The following ZNF577 variants were observed in gnomAD, a reference collection of about 807,000 sequenced individuals.
ZNF577 encodes zinc finger protein 577.
ZNF577 carries 14 observed loss-of-function variants against 13.9 expected under a neutral mutation model. The ratio of observed to expected loss-of-function variants is 1.00; its 90% CI spans 0.66 to 1.57. The LOEUF (loss-of-function observed/expected upper bound fraction) is 1.57, where lower values mean the gene tolerates loss of function less well. Ranked by LOEUF, ZNF577 falls within the 40% of genes most tolerant of loss-of-function variation. The pLI, the probability that ZNF577 is intolerant of heterozygous loss-of-function variation, is 0.00. For missense variants in ZNF577, 555 were observed against 579.2 expected (o/e 0.96, Z 0.43); for synonymous variants, 203 against 202.9 (o/e 1.00, Z 0.00).
At chr19:51,852,913 T>C (rs944228121) in intron 5 of ZNF577, among the ~76,000 whole-genome samples, 4 of 151,314 alleles carry the variant, frequency 2.6e-5, no homozygotes, top group Non-Finnish European at 4.4e-5. Flanking sequence ...GAATGGCTCT[T>C]TAAAAGACAG....
At chr19:51,838,853 T>G (rs1176124759) in intron 9 of ZNF577, among the ~76,000 whole-genome samples, 5 of 151,958 alleles carry the variant, frequency 3.3e-5, no homozygotes, top group Non-Finnish European at 1.5e-5. Flanking sequence ...AAATAATTGT[T>G]GTAAGGAGAT....
At chr19:51,826,979 T>C (rs1451712490) in intron 9 of ZNF577, among the ~76,000 whole-genome samples, 1 of 152,036 alleles carries the variant, frequency 6.6e-6, no homozygotes, top group Non-Finnish European at 1.5e-5. Context: ...ACAATAGAGG[T>C]GTTACCTATA....
Position 51,873,101 on chromosome 19 carries a change from G to T in ZNF577, c.889C>A (p.Pro297Thr), listed in dbSNP as rs528156071. Residue 297 changes from proline to threonine, a missense_variant, in exon 6 of 6, where the codon CCT (proline) becomes ACT (threonine). By Grantham distance (38) the Pro-to-Thr change is conservative. Transcript: ENST00000638348. ...CTTCCACAATCACTGCATTTATAAG[G>T]CTTATCTCCTGTGTGAAGTCTCTGG... Reference protein sequence around the residue: ...AHQRLHTGDKPYKCSDCGRTF... With the variant: ...AHQRLHTGDKTYKCSDCGRTF... 1 of 1,614,168 alleles carries T rather than the reference G, an allele frequency of 6.2e-7. No homozygotes were observed. The highest frequency in any genetic ancestry group is 2.2e-5 in the East Asian group (1 of 44,886).
At position 51,809,257 on chromosome 19, in the gene ZNF577, G is replaced by A. The variant is rs144923890; in HGVS notation, c.*817+2200C>T. On this transcript the variant is annotated intron_variant and NMD_transcript_variant, in intron 10 of 10. Transcript: ENST00000638827. ...GACTGTCCATCTGGACCAAGACAAG[G>A]TAAAATCTCAGTGCTCTGTTGAACA... Among the ~76,000 whole-genome samples the A allele has an allele frequency of 6.2e-3, 944 of 152,310 alleles. 8 individuals are homozygous for A. Among genetic ancestry groups the A allele is most frequent in the African/African-American group, 0.02 (813 of 41,558 alleles).
At chr19:51,815,883 AAAGAAAAAGAAG>A (rs1244846773) in intron 9 of ZNF577, among the ~76,000 whole-genome samples, 2 of 144,170 alleles carry the variant, frequency 1.4e-5, no homozygotes, top group African/African-American at 2.9e-5. Flanking sequence ...AAAAAAGAAA[AAAGAAAAAGAAG>A]AAGAAAAAGA....
downstream of ZNF577, among the ~76,000 whole-genome samples, chr19:51,863,753 T>C (rs560145677): frequency 6.6e-6 from 1 of 152,280 alleles, no homozygotes; most frequent in Non-Finnish European, 1.5e-5. Context: ...ATAGGGACAC[T>C]AAGTATAATG....
At chr19:51,848,444 A>C (rs147232423) in intron 5 of ZNF577, among the ~76,000 whole-genome samples, 1 of 152,336 alleles carries the variant, frequency 6.6e-6, no homozygotes, top group Non-Finnish European at 1.5e-5. Flanking sequence ...TCCCACATTT[A>C]CTGAAGCATT....
chr19:51,858,591 GA>G (rs956908200), intron 5 of ZNF577, among the ~76,000 whole-genome samples: 2 of 151,958 alleles, frequency 1.3e-5, no homozygotes, highest in Admixed American at 1.3e-4. Context: ...AAAATCTAGA[GA>G]AAAAAATAAG....
rs1356694843 is a variant in ZNF577, at chr19:51,880,386, T to C, written c.-4A>G. The C allele has an allele frequency of 1.2e-6, 2 of 1,614,102 alleles. No individual in the cohort carries two copies. Among genetic ancestry groups the C allele is most frequent in the Non-Finnish European group, 1.7e-6 (2 of 1,180,018 alleles). On this transcript the variant is annotated 5_prime_UTR_variant, in exon 3 of 6. Transcript: ENST00000638348. ...TTACAATCGTGGCATTTTTCATGTG[T>C]TTCCTGTTATTTCAGCTGCCAAAAA...
chr19:51,854,527 T>G (rs2084399003), intron 5 of ZNF577, among the ~76,000 whole-genome samples: 1 of 139,386 alleles, frequency 7.2e-6, no homozygotes, highest in African/African-American at 3.0e-5. Context: ...AGAGATGGGG[T>G]CTCGCTATGT....
rs780356693 is a variant in ZNF577, at chr19:51,872,886, G to A, written c.1104C>T (p.Val368=). The A allele has an allele frequency of 3.1e-6, 5 of 1,614,078 alleles. No homozygotes were observed. Among genetic ancestry groups the A allele is most frequent in the Non-Finnish European group, 4.2e-6 (5 of 1,180,044 alleles). The change falls in exon 6 of 6, where the codon GTC becomes GTT. Residue 368 remains valine (V), a synonymous_variant. Transcript: ENST00000638348. ...ECGKAFAHMS[V]LIKHEKTHIR... is the part of the protein sequence containing the mutation. The stretch of plus-strand genomic sequence containing the variant: ...TGTGAGTTTTCTCATGTTTAATGAG[G>A]ACTGACATGTGGGCAAAGGCTTTGC...
At chr19:51,865,544 A>G (rs971891113), downstream of ZNF577, among the ~76,000 whole-genome samples, 1 of 152,258 alleles carries the variant, frequency 6.6e-6, no homozygotes, top group African/African-American at 2.4e-5. Context: ...ACCCCAGGAT[A>G]AAAGGCAGTG....
rs1568447416 is a variant in ZNF577, at chr19:51,873,170, C to A, written c.820G>T (p.Val274Leu). 6.2e-7 allele frequency: 1 copy of A among 1,614,168 alleles called. No homozygotes were observed. Among genetic ancestry groups the A allele is most frequent in the Non-Finnish European group, 8.5e-7 (1 of 1,180,026 alleles). Residue 274 changes from valine to leucine, a missense_variant, in exon 6 of 6, where the codon GTG becomes TTG. Coordinates refer to ENST00000638348, the MANE Select transcript of ZNF577 (RefSeq NM_001370449.1). ...TTCTGAGAAAAGGCTTTCCCACACA[C>A]ACTGCACCCATAGAGTTTCTCTCCA... ...HTGEKLYGCS[V>L]CGKAFSQKAY...
chr19:51,824,987 G>A lies in ZNF577; in HGVS notation c.*600-13313C>T. On this transcript the variant is annotated intron_variant and NMD_transcript_variant, in intron 9 of 10. Transcript: ENST00000638827. This position sits in a 1 kb window ranked among gnomAD's most constrained non-coding sequence, Gnocchi z 4.7. Reference sequence around the variant, plus strand: ...CACAACCAAGCAATAGACACCAGCTGGGTGTCCTACAATTAAATTCCAACA... The same window carrying A: ...CACAACCAAGCAATAGACACCAGCTAGGTGTCCTACAATTAAATTCCAACA... 1.7e-6 allele frequency: 1 copy of A among 599,138 alleles called. No homozygotes were observed. Among genetic ancestry groups the A allele is most frequent in the Non-Finnish European group, 3.0e-6 (1 of 332,286 alleles). 37.1% of individuals were successfully genotyped at this position (599,138 alleles called of 1,614,324 possible).
chr19:51,820,959 G>A (rs906277593), intron 9 of ZNF577, among the ~76,000 whole-genome samples: 4 of 152,218 alleles, frequency 2.6e-5, no homozygotes, highest in Non-Finnish European at 5.9e-5. Context: ...CTCTTGGCAT[G>A]TGAGTAATGT....
rs565029151 is a variant in ZNF577, at chr19:51,868,663, C to T, written c.*3869G>A. On this transcript the variant is annotated 3_prime_UTR_variant, in exon 6 of 6. Transcript: ENST00000638348. ...GCACCGGCTAAGGTTCTGACTACTA[C>T]CGTCTTCAACTGCCTTGAACACCCA... is the stretch of plus-strand genomic sequence containing the variant. Among the ~76,000 whole-genome samples the T allele has an allele frequency of 2.0e-5, 3 of 152,146 alleles. No homozygotes were observed. The South Asian group carries it at 6.2e-4, about 31-fold the overall frequency.
Position 51,873,465 on chromosome 19 carries a change from T to C in ZNF577, c.525A>G (p.Gln175=), listed in dbSNP as rs755899913. The part of the protein sequence containing the change: ...RAFSRKAQLI[Q]HQRTERGEKP... The stretch of plus-strand genomic sequence containing the variant: ...TCTCTCCTCTTTCAGTTCTCTGATG[T>C]TGAATAAGCTGTGCTTTCCTGGAGA... The change falls in exon 6 of 6, where the codon CAA becomes CAG. Residue 175 remains glutamine (Q), a synonymous_variant. Transcript: ENST00000638348. 2.5e-6 allele frequency: 4 copies of C among 1,614,092 alleles called. No individual in the cohort carries two copies. Among genetic ancestry groups the C allele is most frequent in the Admixed American group, 3.3e-5 (2 of 60,006 alleles).
chr19:51,857,229 G>A (rs1400997129), intron 5 of ZNF577, among the ~76,000 whole-genome samples: 4 of 151,916 alleles, frequency 2.6e-5, no homozygotes, highest in East Asian at 1.9e-4. Context: ...AACCCGGGAG[G>A]CGGAGGCTGC....
chr19:51,830,864 A>G (rs1354885108), intron 9 of ZNF577, among the ~76,000 whole-genome samples: 1 of 152,162 alleles, frequency 6.6e-6, no homozygotes. Flanking sequence ...CCATCTGTAC[A>G]TAAATGACTC....
Sources: allele counts gnomAD v4.1 joint callset (sites outside exome capture counted in the v4.1 genomes callset), GRCh38; gene constraint gnomAD v4.1.1; non-coding constraint Gnocchi (gnomAD v3.1); transcripts MANE v1.5; gene names NCBI Gene and HGNC (gene_info 2026-07-23, HGNC 2026-07-21).